The following TNS4 variants were observed in gnomAD, a reference collection of about 807,000 sequenced individuals.
TNS4 encodes the protein tensin 4, also known as tensin-4.
In TNS4, 46 loss-of-function variants were observed where a neutral mutation model predicts 70.4. The observed-to-expected ratio is 0.65, with a 90% CI of 0.52 to 0.84. The LOEUF is 0.84. Ranked by LOEUF, TNS4 falls within the 40% of genes least tolerant of loss-of-function variation. The probability of loss-of-function intolerance (pLI) is 0.00; values close to 1 mark genes in which losing one functional copy is unlikely to be tolerated. For missense variants in TNS4, 863 were observed against 907.0 expected (o/e 0.95, Z 0.62); for synonymous variants, 390 against 366.6 (o/e 1.06, Z -0.73).
At chr17:40,485,055 G>T (rs1597692501) in intron 4 of TNS4, 48 bp from the exon 5 acceptor site, 2 of 1,531,760 alleles carry the variant, frequency 1.3e-6, no homozygotes, top group South Asian at 1.1e-5. Flanking sequence ...ACAGACGGGA[G>T]CTGAGGGATG....
At position 40,496,434 on chromosome 17, in the gene TNS4, T is replaced by C. The variant is rs368010218; in HGVS notation, c.-9A>G. 153 of 1,608,646 alleles carry C rather than the reference T, an allele frequency of 9.5e-5. No homozygotes were observed. Among genetic ancestry groups the C allele is most frequent in the Non-Finnish European group, 1.2e-4 (146 of 1,178,906 alleles). On this transcript the variant is annotated 5_prime_UTR_variant, in exon 2 of 13. Coordinates refer to ENST00000254051, the MANE Select transcript of TNS4 (RefSeq NM_032865.6). Reference sequence around the variant, plus strand: ...GACATCACCTGGGACATGGTGGGGGTGGTGACCTCTGCAGTTTACCTCTGG... The same window carrying C: ...GACATCACCTGGGACATGGTGGGGGCGGTGACCTCTGCAGTTTACCTCTGG...
chr17:40,479,868 G>T, intron 9 of TNS4, 26 bp from the exon 10 acceptor site: 3 of 1,589,278 alleles, frequency 1.9e-6, no homozygotes, highest in Non-Finnish European at 2.6e-6. Flanking sequence ...ACTGCGCTGG[G>T]GCCACTGACC....
At chr17:40,488,163 C>A (rs1161008315) in intron 3 of TNS4, among the ~76,000 whole-genome samples, 1 of 152,184 alleles carries the variant, frequency 6.6e-6, no homozygotes, top group Non-Finnish European at 1.5e-5. Context: ...TTGCCAGCAA[C>A]AGAGGAAGGA....
Position 40,487,067 on chromosome 17 carries a change from C to T in TNS4, c.1257G>A (p.Leu419=), listed in dbSNP as rs750957645. The T allele has an allele frequency of 7.5e-5, 121 of 1,614,076 alleles. No homozygotes were observed. The highest frequency in any genetic ancestry group is 9.9e-5 in the Non-Finnish European group (117 of 1,180,030). ...GGCATGTGGTAAAGGGGGCATCTGA[C>T]AGGGTCTGGCTGTTGCTCCTGGTGG... ...CPATRSNSQT[L]SDAPFTTCPE... is the part of the protein sequence containing the mutation. The change falls in exon 4 of 13, where the codon CTG becomes CTA. Residue 419 remains leucine (L), a synonymous_variant. Coordinates refer to ENST00000254051, the MANE Select transcript of TNS4 (RefSeq NM_032865.6).
chr17:40,480,847 A>G, intron 8 of TNS4, 79 bp from the exon 9 acceptor site: 2 of 1,495,178 alleles, frequency 1.3e-6, no homozygotes, highest in Non-Finnish European at 1.8e-6. Context: ...AACAGGCCTC[A>G]TGAATCCCTT....
In TNS4 at chr17:40,497,683, A is replaced by G. The variant is rs146031858; in HGVS notation, c.-95-1163T>C. 1.9e-3 allele frequency among the ~76,000 whole-genome samples: 283 copies of G among 152,156 alleles called. 2 individuals carry two copies. The highest frequency in any genetic ancestry group is 6.5e-3 in the African/African-American group (269 of 41,540). On this transcript the variant is annotated intron_variant, in intron 1 of 12. Transcript: ENST00000254051. ...AGTCTGGCCAGCAGGGAAGCTCACA[A>G]GACCCTATTGAGCACCTGAGTAACA... is the stretch of plus-strand genomic sequence containing the variant.
At chr17:40,489,050 G>C in intron 2 of TNS4, 81 bp from the exon 3 acceptor site, 1 of 1,325,602 alleles carries the variant, frequency 7.5e-7, no homozygotes, top group South Asian at 1.5e-5. Flanking sequence ...TATCCTCAAG[G>C]TCATTCTGTC....
chr17:40,498,902 T>A (rs1168034072), intron 1 of TNS4, among the ~76,000 whole-genome samples: 2 of 152,152 alleles, frequency 1.3e-5, no homozygotes, highest in African/African-American at 4.8e-5. Context: ...ATGCTGAGAC[T>A]CGGAGAGGTC....
intron 4 of TNS4, among the ~76,000 whole-genome samples, chr17:40,485,976 G>A (rs2035984753): frequency 1.3e-5 from 2 of 152,324 alleles, no homozygotes; most frequent in Admixed American, 1.3e-4. Context: ...GTGGGCTATA[G>A]TAAACATTCC....
Position 40,484,668 on chromosome 17 carries a change from C to T in TNS4, c.1376-59G>A, listed in dbSNP as rs762728017. 160 of 1,599,660 alleles carry T rather than the reference C, an allele frequency of 1.0e-4. No individual in the cohort carries two copies. In the Middle Eastern group the frequency reaches 3.8e-3, roughly 38 times the overall value. On this transcript the variant is annotated intron_variant, in intron 5 of 12. Coordinates refer to ENST00000254051, the MANE Select transcript of TNS4 (RefSeq NM_032865.6). ...CCCCACCTGGACACCCTGTCCCCAG[C>T]CCCGTAGGGTCTTCACAGAGCAGAT...
chr17:40,497,800 T>A (rs933736206), intron 1 of TNS4, among the ~76,000 whole-genome samples: 4 of 152,114 alleles, frequency 2.6e-5, no homozygotes, highest in Admixed American at 2.0e-4. Flanking sequence ...GACTGCCAGC[T>A]CAACCCTGAG....
At chr17:40,480,876 A>AC in intron 8 of TNS4, 108 bp from the exon 9 acceptor site, 1 of 1,243,914 alleles carries the variant, frequency 8.0e-7, no homozygotes, top group South Asian at 1.4e-5. Context: ...TCCCACCTCC[A>AC]CCCCCATCTC....
chr17:40,487,257 T>C lies in TNS4; in HGVS notation c.1067A>G (p.Glu356Gly). Residue 356 changes from glutamate (E) to glycine (G), a missense_variant, in exon 4 of 13, where the codon GAA becomes GGA. Coordinates refer to ENST00000254051, the MANE Select transcript of TNS4 (RefSeq NM_032865.6). ...GGATGGGGGGCAGCTGCTGGCATGT[T>C]CTTTGGCCAGTGGTGGAGAGTGGGG... is the stretch of plus-strand genomic sequence containing the variant. Reference protein sequence around the residue: ...RTPHSPPLAKEHASSCPPSIT... With the variant: ...RTPHSPPLAKGHASSCPPSIT... 1 of 1,614,198 alleles carries C rather than the reference T, an allele frequency of 6.2e-7. No individual in the cohort carries two copies. The highest frequency in any genetic ancestry group is 1.1e-5 in the South Asian group (1 of 91,084).
intron 6 of TNS4, among the ~76,000 whole-genome samples, chr17:40,482,726 C>T (rs1174190489): frequency 2.6e-5 from 4 of 151,448 alleles, no homozygotes; most frequent in South Asian, 2.1e-4. Flanking sequence ...TGCAGTGAGC[C>T]GAGATTGTGC....
At chr17:40,483,518 T>A (rs939412373) in intron 6 of TNS4, among the ~76,000 whole-genome samples, 18 of 152,180 alleles carry the variant, frequency 1.2e-4, no homozygotes, top group African/African-American at 4.3e-4. Context: ...TTCTTAATTA[T>A]TTAGATAAAT....
chr17:40,497,152 C>T lies in TNS4; in HGVS notation c.-95-632G>A, dbSNP rs539424651. Among the ~76,000 whole-genome samples the T allele has an allele frequency of 5.9e-5, 9 of 152,064 alleles. No homozygotes were observed. In the East Asian group the frequency reaches 7.7e-4, roughly 13 times the overall value. On this transcript the variant is annotated intron_variant, in intron 1 of 12. Coordinates refer to ENST00000254051, the MANE Select transcript of TNS4 (RefSeq NM_032865.6). Reference sequence around the variant, plus strand: ...GGGTGAACAACTGTAAGCAGTGTCACGAGAGAGGAGGGAAGGGACAGTGCA... The same window carrying T: ...GGGTGAACAACTGTAAGCAGTGTCATGAGAGAGGAGGGAAGGGACAGTGCA...
chr17:40,478,568 C>G lies in TNS4; in HGVS notation c.1979+12G>C. On this transcript the variant is annotated intron_variant, in intron 11 of 12. Transcript: ENST00000254051. ...GGACAGCCTTCTTAGTTTGGCCCAG[C>G]CTTGAACTTACTTCCGTTGCTCAGG... 1.2e-6 allele frequency: 2 copies of G among 1,614,084 alleles called. No homozygotes were observed. The highest frequency in any genetic ancestry group is 1.7e-6 in the Non-Finnish European group (2 of 1,179,954).
At chr17:40,488,023 T>G (rs2036014846) in intron 3 of TNS4, among the ~76,000 whole-genome samples, 1 of 152,056 alleles carries the variant, frequency 6.6e-6, no homozygotes, top group Non-Finnish European at 1.5e-5. Flanking sequence ...GGAAGCAGAG[T>G]CCTGTGGTTC....
Position 40,496,025 on chromosome 17 carries a change from G to T in TNS4, c.401C>A (p.Thr134Asn), listed in dbSNP as rs567990144. 48 of 1,613,076 alleles carry T rather than the reference G, an allele frequency of 3.0e-5. 1 individual carries two copies. The highest frequency in any genetic ancestry group is 1.9e-4 in the South Asian group (17 of 90,902). ...GGSQAELAQS[T>N]MSMRKKEESE... ...TTCCTCCTTCTTTCTCATTGACATG[G>T]TGCTCTGGGCCAGCTCAGCCTGGGA... Residue 134 changes from threonine to asparagine, a missense_variant, in exon 2 of 13, where the codon ACC (threonine) becomes AAC (asparagine). Coordinates refer to ENST00000254051, the MANE Select transcript of TNS4 (RefSeq NM_032865.6).
Sources: gnomAD v4.1 joint callset for allele counts (sites outside exome capture counted in the v4.1 genomes callset) on GRCh38, gnomAD v4.1.1 for gene constraint, MANE v1.5 for transcripts, NCBI Gene and HGNC (gene_info 2026-07-23, HGNC 2026-07-21) for gene names.